DHRSX: variants seen among roughly 807,000 people sequenced by gnomAD.
The protein encoded by DHRSX is dehydrogenase/reductase X-linked.
A neutral mutation model predicts 34.0 loss-of-function variants in DHRSX; 31 were observed. The ratio of observed to expected loss-of-function variants is 0.91; its 90% confidence interval spans 0.69 to 1.23. DHRSX has a LOEUF of 1.23. Among genes scored for constraint, DHRSX ranks in the 50% most tolerant of loss-of-function variants. The pLI, the probability that DHRSX is intolerant of heterozygous loss-of-function variation, is 0.00. For missense variants in DHRSX, 414 were observed against 428.1 expected, an observed-to-expected ratio of 0.97 and a Z score of 0.29; for synonymous variants, 201 against 183.8, an observed-to-expected ratio of 1.09 and a Z score of -0.76.
chrX:2,277,154 A>G (rs111161793), intron 4 of DHRSX, among the ~76,000 whole-genome samples: 98 of 1,692 alleles, frequency 0.058, 5 homozygotes, highest in African/African-American at 0.16. Flanking sequence ...AGGAGGAAAT[A>G]GGGGAAAGAG....
At chrX:2,402,743 A>G (rs1191494920) in intron 3 of DHRSX, among the ~76,000 whole-genome samples, 1 of 152,138 alleles carries the variant, frequency 6.6e-6, no homozygotes, top group East Asian at 1.9e-4. Flanking sequence ...GTAGGTGTAT[A>G]TATTTATGGG....
chrX:2,339,053 C>A (rs2042607047), intron 3 of DHRSX, among the ~76,000 whole-genome samples: 1 of 151,966 alleles, frequency 6.6e-6, no homozygotes, highest in Non-Finnish European at 1.5e-5. Context: ...CTTAAGTGAT[C>A]CTGAATATAC....
intron 3 of DHRSX, among the ~76,000 whole-genome samples, chrX:2,378,828 G>A (rs1268405288): frequency 6.6e-6 from 1 of 151,870 alleles, no homozygotes; most frequent in Non-Finnish European, 1.5e-5. Context: ...GCACCACCAC[G>A]CCTGGCTACT....
chrX:2,404,225 C>T (rs1165080539), intron 3 of DHRSX, among the ~76,000 whole-genome samples: 3 of 151,962 alleles, frequency 2.0e-5, no homozygotes, highest in Admixed American at 6.6e-5. Flanking sequence ...CCAGAGGCCC[C>T]GATTCACAGA....
Position 2,219,576 on chromosome X carries a change from C to T in DHRSX, c.*1465G>A, listed in dbSNP as rs980128826. On this transcript the variant is annotated 3_prime_UTR_variant, in exon 7 of 7. Transcript: ENST00000334651. ...AAGTTGCTTATCAGGGCAACCTTCC[C>T]CATCTGGGAACAATCTAGCAGTCAT... 6.6e-6 allele frequency: 1 copy of T among 152,126 alleles called. No individual in the cohort carries two copies. Among genetic ancestry groups the T allele is most frequent in the African/African-American group, 2.4e-5 (1 of 41,436 alleles). 9.4% of individuals were successfully genotyped at this position (152,126 alleles called of 1,614,324 possible).
In DHRSX at chrX:2,431,920, C is replaced by T. The variant is rs73632318; in HGVS notation, c.110-6616G>A. Among the ~76,000 whole-genome samples the T allele has an allele frequency of 2.6e-3, 400 of 152,222 alleles. 1 individual carries two copies. The highest frequency in any genetic ancestry group is 9.0e-3 in the African/African-American group (372 of 41,536). On this transcript the variant is annotated intron_variant, in intron 1 of 6. Transcript: ENST00000334651. The stretch of plus-strand genomic sequence containing the variant: ...CTAAAATAGAAGTTGAGGCCAGATG[C>T]GGTGGCTCACACCTGTCATCCCAGC...
intron 3 of DHRSX, among the ~76,000 whole-genome samples, chrX:2,300,138 T>A (rs189149578): frequency 0.012 from 1,801 of 152,256 alleles, 36 homozygotes; most frequent in Admixed American, 0.057. Flanking sequence ...CCCTAAAAAA[T>A]CCTTTTGTCT....
At chrX:2,264,568 G>A (rs186825784) in intron 5 of DHRSX, among the ~76,000 whole-genome samples, 1 of 149,764 alleles carries the variant, frequency 6.7e-6, no homozygotes, top group Non-Finnish European at 1.5e-5. Context: ...AATGCCCAGA[G>A]CACCAGTGCC....
At chrX:2,458,128 A>G (rs1233104171) in intron 1 of DHRSX, among the ~76,000 whole-genome samples, 2 of 152,004 alleles carry the variant, frequency 1.3e-5, no homozygotes, top group Non-Finnish European at 2.9e-5. Flanking sequence ...TGGCTAAGGG[A>G]CTGCTGCCAG....
intron 6 of DHRSX, among the ~76,000 whole-genome samples, chrX:2,234,813 C>A (rs752858224): frequency 9.8e-5 from 15 of 152,308 alleles, no homozygotes; most frequent in African/African-American, 3.6e-4. Flanking sequence ...CATGTTCAAG[C>A]GATTCTCCTG....
At chrX:2,256,101 TCTC>T (rs1222830973) in intron 5 of DHRSX, among the ~76,000 whole-genome samples, 2 of 148,794 alleles carry the variant, frequency 1.3e-5, no homozygotes, top group Non-Finnish European at 3.0e-5. Flanking sequence ...TTCAAGCAAT[TCTC>T]CTGCCTCAGC....
intron 3 of DHRSX, among the ~76,000 whole-genome samples, chrX:2,394,106 C>A (rs1318618727): frequency 6.6e-6 from 1 of 152,170 alleles, no homozygotes; most frequent in African/African-American, 2.4e-5. Context: ...CAGGGGGAAC[C>A]GGATGGAAGG....
intron 1 of DHRSX, among the ~76,000 whole-genome samples, chrX:2,443,136 G>A (rs1411554087): frequency 6.6e-6 from 1 of 152,058 alleles, no homozygotes; most frequent in Non-Finnish European, 1.5e-5. Context: ...GGGCTCCAGT[G>A]ATCCTCCCAC....
chrX:2,431,096 C>T (rs1410568120), intron 1 of DHRSX, among the ~76,000 whole-genome samples: 2 of 151,652 alleles, frequency 1.3e-5, no homozygotes, highest in East Asian at 1.9e-4. Context: ...GAGGCCGAGG[C>T]GGGTGGATCA....
At chrX:2,313,754 C>T (rs1212566395) in intron 3 of DHRSX, among the ~76,000 whole-genome samples, 3 of 152,058 alleles carry the variant, frequency 2.0e-5, no homozygotes, top group South Asian at 2.1e-4. Flanking sequence ...GACCACGGCC[C>T]GTGACACAGC....
intron 3 of DHRSX, among the ~76,000 whole-genome samples, chrX:2,292,813 T>C (rs760619295): frequency 1.3e-5 from 2 of 151,724 alleles, no homozygotes; most frequent in Admixed American, 6.6e-5. Context: ...TTGCTACAGA[T>C]AGTAAGTATG....
intron 6 of DHRSX, 32 bp downstream of exon 6, chrX:2,242,991 A>T (rs1371600046): frequency 6.2e-7 from 1 of 1,600,536 alleles, no homozygotes; most frequent in Non-Finnish European, 8.5e-7. Flanking sequence ...CTTCAGGTGC[A>T]GCCGTGAATC....
intron 4 of DHRSX, among the ~76,000 whole-genome samples, chrX:2,267,918 G>C (rs1569482037): frequency 1.3e-5 from 2 of 152,138 alleles, no homozygotes; most frequent in South Asian, 2.1e-4. Flanking sequence ...CTGCACCCCA[G>C]CCTGGGCAAC....
chrX:2,347,107 C>T (rs771077615), intron 3 of DHRSX, among the ~76,000 whole-genome samples: 2 of 152,184 alleles, frequency 1.3e-5, no homozygotes, highest in African/African-American at 4.8e-5. Context: ...TGTTTTCATG[C>T]TGTAGATAAA....
Sources: allele counts gnomAD v4.1 joint callset (sites outside exome capture counted in the v4.1 genomes callset), GRCh38; gene constraint gnomAD v4.1.1; transcripts MANE v1.5; gene names NCBI Gene and HGNC (gene_info 2026-07-23, HGNC 2026-07-21).